The following ANO6 variants were observed in gnomAD, a reference collection of about 807,000 sequenced individuals.
ANO6 encodes anoctamin-6.
A neutral mutation model predicts 117.5 loss-of-function variants in ANO6; 106 were observed. The observed-to-expected ratio is 0.90, with a 90% CI of 0.77 to 1.06. The LOEUF is 1.06. Among genes scored for constraint, ANO6 ranks in the 50% least tolerant of loss-of-function variants. ANO6 has a pLI of 0.00. For synonymous variants in ANO6, 367 were observed against 385.1 expected (o/e 0.95, Z 0.55); for missense variants, 955 against 1,121.1 (o/e 0.85, Z 2.12).
intron 15 of ANO6, among the ~76,000 whole-genome samples, chr12:45,405,699 C>T (rs1006522074): frequency 1.3e-5 from 2 of 152,148 alleles, no homozygotes; most frequent in African/African-American, 2.4e-5. Context: ...CACCTGAGGT[C>T]GGGAGTTCGA....
downstream of ANO6, among the ~76,000 whole-genome samples, chr12:45,434,251 ATTAC>A (rs1943682690): frequency 1.3e-5 from 2 of 152,286 alleles, no homozygotes; most frequent in South Asian, 4.1e-4. Context: ...ATACCCTGCC[ATTAC>A]TTTCTTTCTT....
chr12:45,264,065 G>A lies in ANO6; in HGVS notation c.71-37949G>A, dbSNP rs61923852. ...GACTTAGAAAAGTTAAGGAACATTCGGAAGGAAACCGAGGAAACCAGCTTG... is the reference window on the plus strand; with the variant it reads ...GACTTAGAAAAGTTAAGGAACATTCAGAAGGAAACCGAGGAAACCAGCTTG... On this transcript the variant is annotated intron_variant, in intron 1 of 19. Coordinates refer to ENST00000320560, the MANE Select transcript of ANO6 (RefSeq NM_001025356.3). 5.9e-3 allele frequency among the ~76,000 whole-genome samples: 893 copies of A among 152,218 alleles called. 4 individuals carry two copies. The highest frequency in any genetic ancestry group is 0.02 in the South Asian group (96 of 4,820).
intron 17 of ANO6, among the ~76,000 whole-genome samples, chr12:45,419,492 A>G (rs1162135684): frequency 1.3e-5 from 2 of 152,244 alleles, no homozygotes. Context: ...ATGTATATGT[A>G]CATTTTTCAC....
chr12:45,425,822 A>T (rs1425901254), intron 19 of ANO6, among the ~76,000 whole-genome samples: 1 of 152,218 alleles, frequency 6.6e-6, no homozygotes, highest in East Asian at 1.9e-4. Flanking sequence ...AGAGAAAGGA[A>T]AATGAAGCCA....
chr12:45,377,873 A>G (rs1942069805), intron 9 of ANO6, among the ~76,000 whole-genome samples, 180 bp from the exon 10 acceptor site: 1 of 152,186 alleles, frequency 6.6e-6, no homozygotes, highest in South Asian at 2.1e-4. Flanking sequence ...AAAAGAATCA[A>G]ATTTCATCTA....
chr12:45,358,475 T>TAA (rs34469037), intron 8 of ANO6, among the ~76,000 whole-genome samples: 3 of 147,732 alleles, frequency 2.0e-5, no homozygotes, highest in East Asian at 3.9e-4. Flanking sequence ...TGTTCTAGTT[T>TAA]AAAAAAAAAA....
intron 12 of ANO6, among the ~76,000 whole-genome samples, chr12:45,400,563 C>A (rs557137768): frequency 2.6e-5 from 4 of 152,314 alleles, no homozygotes; most frequent in African/African-American, 9.6e-5. Context: ...TTATTTGGTG[C>A]TTTTCATGTA....
At chr12:45,228,369 G>A (rs1947521728) in intron 1 of ANO6, 4 of 241,884 alleles carry the variant, frequency 1.7e-5, no homozygotes, top group South Asian at 1.6e-4. Flanking sequence ...AAACTCTTGG[G>A]CTCAAGCAGT....
intron 1 of ANO6, among the ~76,000 whole-genome samples, chr12:45,293,505 T>TTA (rs1177311238): frequency 4.0e-5 from 6 of 150,490 alleles, no homozygotes; most frequent in East Asian, 2.0e-4. Flanking sequence ...AATCACTCTT[T>TTA]AAAAAAAAAA....
chr12:45,397,752 G>T (rs77722742), intron 12 of ANO6, among the ~76,000 whole-genome samples: 1 of 152,140 alleles, frequency 6.6e-6, no homozygotes, highest in Non-Finnish European at 1.5e-5. Context: ...ACCAAACACC[G>T]CATGTTCTCA....
chr12:45,336,641 A>G (rs1940833147), intron 3 of ANO6, among the ~76,000 whole-genome samples: 1 of 152,100 alleles, frequency 6.6e-6, no homozygotes, highest in South Asian at 2.1e-4. Flanking sequence ...TCATATAAAA[A>G]TATAGCACAT....
At chr12:45,255,818 G>GTTTTTTTTTTTTTTTTTTTTTTT (rs551517877) in intron 1 of ANO6, among the ~76,000 whole-genome samples, 27 of 81,690 alleles carry the variant, frequency 3.3e-4, no homozygotes, top group African/African-American at 4.9e-4. Flanking sequence ...CTCCCTGGGT[G>GTTTTTTTTTTTTTTTTTTTTTTT]TTTTTTTTTT....
At chr12:45,249,890 A>G (rs1380620291) in intron 1 of ANO6, among the ~76,000 whole-genome samples, 1 of 152,198 alleles carries the variant, frequency 6.6e-6, no homozygotes, top group Non-Finnish European at 1.5e-5. Context: ...TAACAGTTTA[A>G]TGAACACAGT....
intron 1 of ANO6, among the ~76,000 whole-genome samples, chr12:45,222,323 G>T (rs1256435917): frequency 1.3e-5 from 2 of 151,998 alleles, no homozygotes; most frequent in African/African-American, 4.8e-5. Flanking sequence ...ACTGTGCCCG[G>T]CTAATTTTTG....
intron 3 of ANO6, among the ~76,000 whole-genome samples, chr12:45,343,212 A>G (rs1941031288): frequency 6.6e-6 from 1 of 152,164 alleles, no homozygotes; most frequent in Non-Finnish European, 1.5e-5. Flanking sequence ...ACAGAGTTAC[A>G]TGATTTTTTT....
rs566427379 is a variant in ANO6 at position 45,402,032 on chromosome 12, C to G, written c.1612+12C>G. ...GATTACTAACTTCGGTAAGGTCCTA[C>G]TATAGCTTAGGTAACTTCTGACATA... On this transcript the variant is annotated intron_variant, in intron 13 of 19. Transcript: ENST00000320560. 640 of 1,605,318 alleles carry G rather than the reference C, an allele frequency of 4.0e-4. 7 individuals carry two copies. The South Asian group carries it at 6.5e-3, about 16-fold the overall frequency.
intron 1 of ANO6, among the ~76,000 whole-genome samples, chr12:45,299,139 G>T (rs571478546): frequency 1.1e-4 from 16 of 152,284 alleles, no homozygotes; most frequent in African/African-American, 2.9e-4. Context: ...AAAGCAAGCT[G>T]CCCAGCACTA....
At chr12:45,307,506 A>C (rs1234407011) in intron 2 of ANO6, among the ~76,000 whole-genome samples, 1 of 152,156 alleles carries the variant, frequency 6.6e-6, no homozygotes, top group East Asian at 1.9e-4. Flanking sequence ...AGAAAAATCA[A>C]AATTCTGTTT....
At chr12:45,308,729 G>C (rs890450859) in intron 2 of ANO6, among the ~76,000 whole-genome samples, 1 of 152,100 alleles carries the variant, frequency 6.6e-6, no homozygotes, top group African/African-American at 2.4e-5. Context: ...AGGATTTCTG[G>C]GCTGTGGCCA....
Sources: gnomAD v4.1 joint callset for allele counts (sites outside exome capture counted in the v4.1 genomes callset) on GRCh38, gnomAD v4.1.1 for gene constraint, MANE v1.5 for transcripts, NCBI Gene and HGNC (gene_info 2026-07-23, HGNC 2026-07-21) for gene names.